The following DPYD variants were observed in gnomAD, a reference collection of about 807,000 sequenced individuals.
The protein encoded by DPYD is dihydropyrimidine dehydrogenase [NADP(+)].
DPYD carries 109 observed loss-of-function variants against 116.2 expected under a neutral mutation model. That is an observed-to-expected ratio of 0.94 (90% CI 0.80 to 1.10). The LOEUF (loss-of-function observed/expected upper bound fraction) is 1.10. Among genes scored for constraint, DPYD ranks in the 50% least tolerant of loss-of-function variants. DPYD has a pLI of 0.00. For synonymous variants in DPYD, 440 were observed against 432.0 expected (o/e 1.02, Z -0.23); for missense variants, 1,302 against 1,254.5 (o/e 1.04, Z -0.57).
chr1:97,515,063 G>A (rs1023808715), intron 13 of DPYD, among the ~76,000 whole-genome samples: 3 of 151,882 alleles, frequency 2.0e-5, no homozygotes, highest in Non-Finnish European at 4.4e-5. Context: ...GTTAAAGTCT[G>A]TTGTTCTTTT....
chr1:97,392,155 C>CTAA (rs935113784), intron 14 of DPYD, among the ~76,000 whole-genome samples: 2 of 151,992 alleles, frequency 1.3e-5, no homozygotes, highest in African/African-American at 4.8e-5. Context: ...AGCACTAAAA[C>CTAA]TAATATCACA....
chr1:97,094,161 CTCA>C (rs971451719), intron 21 of DPYD, among the ~76,000 whole-genome samples: 1 of 152,034 alleles, frequency 6.6e-6, no homozygotes, highest in African/African-American at 2.4e-5. Context: ...GATTCTACTT[CTCA>C]TCATTCCATT....
At chr1:97,160,518 T>G (rs1655811449) in intron 20 of DPYD, among the ~76,000 whole-genome samples, 1 of 152,068 alleles carries the variant, frequency 6.6e-6, no homozygotes, top group Non-Finnish European at 1.5e-5. Flanking sequence ...AAGGGGGTGT[T>G]CGATGATGAG....
At chr1:97,199,486 T>C (rs950041438) in intron 19 of DPYD, among the ~76,000 whole-genome samples, 1 of 152,200 alleles carries the variant, frequency 6.6e-6, no homozygotes, top group Non-Finnish European at 1.5e-5. Context: ...CTCAGCTACA[T>C]TGGCACCAAA....
At chr1:97,590,209 C>G (rs924709512) in intron 10 of DPYD, among the ~76,000 whole-genome samples, 1 of 152,248 alleles carries the variant, frequency 6.6e-6, no homozygotes, top group African/African-American at 2.4e-5. Flanking sequence ...GGTATTACCC[C>G]TGGTAAGAGA....
intron 1 of DPYD, among the ~76,000 whole-genome samples, chr1:97,915,570 A>T (rs1674171903): frequency 6.6e-6 from 1 of 152,186 alleles, no homozygotes; most frequent in African/African-American, 2.4e-5. Flanking sequence ...GGCCAAAAAC[A>T]CCTTCTGTCT....
At chr1:97,236,471 T>G (rs1021365239) in intron 18 of DPYD, among the ~76,000 whole-genome samples, 2 of 152,130 alleles carry the variant, frequency 1.3e-5, no homozygotes, top group African/African-American at 4.8e-5. Context: ...TTGAAAAGGC[T>G]AGATAGCATA....
intron 4 of DPYD, among the ~76,000 whole-genome samples, chr1:97,724,428 T>C (rs1031297878): frequency 1.2e-4 from 18 of 150,970 alleles, no homozygotes; most frequent in Non-Finnish European, 2.1e-4. Context: ...AGATCTGCAA[T>C]TTGAGTCTGC....
intron 14 of DPYD, among the ~76,000 whole-genome samples, chr1:97,393,635 A>G (rs191023061): frequency 6.6e-6 from 1 of 152,066 alleles, no homozygotes; most frequent in African/African-American, 2.4e-5. Flanking sequence ...ATCCTTTTTT[A>G]TGGCTGCATA....
At chr1:97,348,703 A>G (rs2101301575) in intron 16 of DPYD, among the ~76,000 whole-genome samples, 1 of 152,278 alleles carries the variant, frequency 6.6e-6, no homozygotes, top group South Asian at 2.1e-4. Flanking sequence ...AGGTAATGTG[A>G]GGGAAATGAA....
intron 18 of DPYD, among the ~76,000 whole-genome samples, chr1:97,257,579 A>G (rs1309011808): frequency 6.6e-6 from 1 of 151,692 alleles, no homozygotes; most frequent in African/African-American, 2.4e-5. Context: ...GTGTATGTAT[A>G]TGTGTATATA....
chr1:97,744,346 T>C (rs1427098807), intron 3 of DPYD, among the ~76,000 whole-genome samples: 1 of 152,052 alleles, frequency 6.6e-6, no homozygotes. Context: ...GCTTCTTTTA[T>C]TGGTAACCAT....
chr1:97,829,632 A>G (rs1382446228), intron 2 of DPYD, among the ~76,000 whole-genome samples: 1 of 152,132 alleles, frequency 6.6e-6, no homozygotes, highest in Admixed American at 6.5e-5. Context: ...AAAGTTATAA[A>G]TGTTGTTGAT....
At chr1:97,346,379 T>C (rs911292601) in intron 16 of DPYD, among the ~76,000 whole-genome samples, 1 of 151,892 alleles carries the variant, frequency 6.6e-6, no homozygotes, top group Non-Finnish European at 1.5e-5. Context: ...GTCTTCCGCT[T>C]CTGAATTTGA....
At chr1:97,900,334 AT>A (rs1184176319) in intron 1 of DPYD, among the ~76,000 whole-genome samples, 2 of 151,852 alleles carry the variant, frequency 1.3e-5, no homozygotes, top group African/African-American at 4.8e-5. Flanking sequence ...GCTTTTAGCA[AT>A]TTTTCCCATG....
chr1:97,471,800 C>T (rs1395121787), intron 13 of DPYD, among the ~76,000 whole-genome samples: 2 of 151,958 alleles, frequency 1.3e-5, no homozygotes, highest in African/African-American at 2.4e-5. Context: ...ATGTTGGCCA[C>T]CCTGGTCTCA....
chr1:97,422,669 A>C (rs946693400), intron 14 of DPYD, among the ~76,000 whole-genome samples: 2 of 152,148 alleles, frequency 1.3e-5, no homozygotes, highest in Admixed American at 1.3e-4. Flanking sequence ...TCATTCCCTG[A>C]GCACCTACTA....
chr1:97,570,843 G>A (rs1168197353), intron 11 of DPYD, among the ~76,000 whole-genome samples: 3 of 151,588 alleles, frequency 2.0e-5, no homozygotes, highest in East Asian at 3.9e-4. Context: ...GCAATGACTC[G>A]CTCATTTTCA....
chr1:97,246,336 G>A (rs1248012449), intron 18 of DPYD, among the ~76,000 whole-genome samples: 1 of 152,038 alleles, frequency 6.6e-6, no homozygotes, highest in Non-Finnish European at 1.5e-5. Context: ...AAAAAACATG[G>A]ACAACCCATG....
Sources: allele counts gnomAD v4.1 joint callset (sites outside exome capture counted in the v4.1 genomes callset), GRCh38; gene constraint gnomAD v4.1.1; transcripts MANE v1.5; gene names NCBI Gene and HGNC (gene_info 2026-07-23, HGNC 2026-07-21).